VTI1A: variants seen among roughly 807,000 people sequenced by gnomAD.
VTI1A encodes vesicle transport through interaction with t-SNAREs 1A.
A neutral mutation model predicts 34.9 loss-of-function variants in VTI1A; 22 were observed. The observed-to-expected ratio is 0.63, with a 90% CI of 0.45 to 0.90. The LOEUF (loss-of-function observed/expected upper bound fraction) is 0.90, where lower values mean the gene tolerates loss of function less well. Among genes scored for constraint, VTI1A ranks in the 40% least tolerant of loss-of-function variants. The pLI, the probability that VTI1A is intolerant of heterozygous loss-of-function variation, is 0.00. For synonymous variants in VTI1A, 87 were observed against 97.3 expected (o/e 0.89, Z 0.62); for missense variants, 268 against 275.6 (o/e 0.97, Z 0.20).
At chr10:112,590,286 T>C (rs1844339850) in intron 5 of VTI1A, among the ~76,000 whole-genome samples, 1 of 151,974 alleles carries the variant, frequency 6.6e-6, no homozygotes, top group Admixed American at 6.5e-5. Flanking sequence ...AAGTGGAGTA[T>C]TGGTTGTATG....
intron 7 of VTI1A, among the ~76,000 whole-genome samples, chr10:112,777,308 T>C (rs1269838988): frequency 6.6e-6 from 1 of 152,164 alleles, no homozygotes; most frequent in Non-Finnish European, 1.5e-5. Context: ...CTGAGTGGTG[T>C]CTGAATTACT....
At chr10:112,819,679 T>C (rs1307821275), downstream of VTI1A, among the ~76,000 whole-genome samples, 1 of 152,166 alleles carries the variant, frequency 6.6e-6, no homozygotes, top group African/African-American at 2.4e-5. Flanking sequence ...TATTGGTGAA[T>C]GGCTCTTCTT....
At chr10:112,448,799 T>C (rs1228937194) in intron 1 of VTI1A, 1 of 152,154 alleles carries the variant, frequency 6.6e-6, no homozygotes, top group Non-Finnish European at 1.5e-5. Flanking sequence ...TTTCCCTACT[T>C]CCCCCAAAAC....
chr10:112,786,282 A>G (rs74768817), intron 7 of VTI1A, among the ~76,000 whole-genome samples: 5,100 of 152,240 alleles, frequency 0.033, 118 homozygotes, highest in Non-Finnish European at 0.045. Context: ...TGATTTTTGT[A>G]TATTCTCATC....
chr10:112,507,492 A>G (rs1849471276), intron 3 of VTI1A, among the ~76,000 whole-genome samples: 1 of 152,074 alleles, frequency 6.6e-6, no homozygotes, highest in Non-Finnish European at 1.5e-5. Context: ...CTTCCACTCT[A>G]ACTTTTGGTG....
chr10:112,487,548 A>T (rs1848684783), intron 3 of VTI1A, among the ~76,000 whole-genome samples: 1 of 152,192 alleles, frequency 6.6e-6, no homozygotes, highest in African/African-American at 2.4e-5. Flanking sequence ...TCATTTTACA[A>T]GCATAAATTG....
intron 5 of VTI1A, among the ~76,000 whole-genome samples, chr10:112,581,272 T>C (rs1245819748): frequency 6.6e-6 from 1 of 152,188 alleles, no homozygotes; most frequent in Non-Finnish European, 1.5e-5. Context: ...AACTCCTCCC[T>C]CCCTTCCCAT....
the VTI1A span, among the ~76,000 whole-genome samples, chr10:112,830,468 A>G: frequency 1.7e-4 from 26 of 151,268 alleles, no homozygotes; most frequent in Non-Finnish European, 3.1e-4. Flanking sequence ...TACATACACC[A>G]TCACAGAAGC....
At chr10:112,522,455 G>A (rs1160464730) in intron 3 of VTI1A, among the ~76,000 whole-genome samples, 2 of 152,088 alleles carry the variant, frequency 1.3e-5, no homozygotes, top group Non-Finnish European at 2.9e-5. Context: ...ACATAGATTA[G>A]AATAAAGGGC....
intron 7 of VTI1A, chr10:112,736,604 A>G (rs976156108): frequency 3.4e-6 from 5 of 1,471,786 alleles, no homozygotes; most frequent in African/African-American, 1.4e-5. Context: ...CTCCTCTGAT[A>G]AGAAACCAAA....
chr10:112,458,267 C>T lies in VTI1A; in HGVS notation c.95-2257C>T, dbSNP rs868248179. ...GGATGTTCCTCCTGATACGTAAATA[C>T]ACCATCTCAGTTTTGATCCAAGATA... On this transcript the variant is annotated intron_variant, in intron 1 of 7. Coordinates refer to ENST00000393077, the MANE Select transcript of VTI1A (RefSeq NM_145206.4). 7.9e-5 allele frequency among the ~76,000 whole-genome samples: 12 copies of T among 152,276 alleles called. No individual in the cohort carries two copies. The Middle Eastern group carries it at 0.01, about 129-fold the overall frequency.
intron 3 of VTI1A, among the ~76,000 whole-genome samples, chr10:112,487,338 G>T (rs1365861553): frequency 6.6e-6 from 1 of 152,050 alleles, no homozygotes; most frequent in African/African-American, 2.4e-5. Flanking sequence ...TGGGCAGGCT[G>T]GTCTCAAACT....
intron 7 of VTI1A, among the ~76,000 whole-genome samples, chr10:112,768,029 A>T (rs1851696409): frequency 1.3e-5 from 2 of 152,048 alleles, no homozygotes; most frequent in African/African-American, 4.8e-5. Context: ...ACCTCATGTG[A>T]TAGGTGACCT....
At chr10:112,447,533 C>T (rs1432448032) in intron 1 of VTI1A, 66 bp downstream of exon 1, 1 of 1,554,012 alleles carries the variant, frequency 6.4e-7, no homozygotes, top group Non-Finnish European at 8.8e-7. Context: ...CGGTGGAACG[C>T]CGCCCGAGTA....
At chr10:112,668,717 C>G (rs1847736583) in intron 6 of VTI1A, among the ~76,000 whole-genome samples, 1 of 152,108 alleles carries the variant, frequency 6.6e-6, no homozygotes, top group Non-Finnish European at 1.5e-5. Flanking sequence ...ATGTCCAGTT[C>G]TAGTATCCAG....
intron 7 of VTI1A, among the ~76,000 whole-genome samples, chr10:112,726,115 G>A (rs138606193): frequency 3.3e-5 from 5 of 152,206 alleles, no homozygotes; most frequent in East Asian, 1.9e-4. Flanking sequence ...GTATCTCATC[G>A]TCCTGCTGTC....
the VTI1A span, chr10:112,825,452 G>C: frequency 6.6e-6 from 1 of 151,894 alleles, no homozygotes; most frequent in Non-Finnish European, 1.5e-5. Context: ...TGAGCCTCTA[G>C]CCCCCCCCAG....
rs115353517 is a variant in VTI1A at position 112,536,188 on chromosome 10, T to C, written c.343-2058T>C. Among the ~76,000 whole-genome samples, 587 of 152,234 alleles carry C rather than the reference T, an allele frequency of 3.9e-3. 6 individuals carry two copies. The highest frequency in any genetic ancestry group is 0.014 in the African/African-American group (563 of 41,588). On this transcript the variant is annotated intron_variant, in intron 4 of 7. Coordinates refer to ENST00000393077, the MANE Select transcript of VTI1A (RefSeq NM_145206.4). Reference sequence around the variant, plus strand: ...AAATCTCTAATAACTAAATGTTTTCTTTTAATTTTGGGATTTCATCCAATA... The same window carrying C: ...AAATCTCTAATAACTAAATGTTTTCCTTTAATTTTGGGATTTCATCCAATA...
At chr10:112,538,187 A>G in intron 4 of VTI1A, 59 bp from the exon 5 acceptor site, 1 of 1,445,858 alleles carries the variant, frequency 6.9e-7, no homozygotes, top group Admixed American at 1.9e-5. Context: ...TTTTTAAGGC[A>G]AAAAAAAGAA....
Sources: gnomAD v4.1 joint callset for allele counts (sites outside exome capture counted in the v4.1 genomes callset) on GRCh38, gnomAD v4.1.1 for gene constraint, MANE v1.5 for transcripts, NCBI Gene and HGNC (gene_info 2026-07-23, HGNC 2026-07-21) for gene names.